Variants in PDGFRL observed in about 807,000 individuals in gnomAD.
PDGFRL encodes the protein platelet derived growth factor receptor like, also known as platelet-derived growth factor receptor-like protein.
A neutral mutation model predicts 37.2 loss-of-function variants in PDGFRL; 46 were observed. The observed-to-expected ratio is 1.24, with a 90% confidence interval of 0.98 to 1.58. The LOEUF is 1.58. Among genes scored for constraint, PDGFRL ranks in the 40% most tolerant of loss-of-function variants. The probability of loss-of-function intolerance (pLI) is 0.00; values close to 1 mark genes in which losing one functional copy is unlikely to be tolerated. For missense variants in PDGFRL, 692 were observed against 467.6 expected (o/e 1.48, Z -4.43); for synonymous variants, 251 against 184.3 (o/e 1.36, Z -2.93).
At chr8:17,622,839 G>A (rs1481216429) in intron 3 of PDGFRL, among the ~76,000 whole-genome samples, 2 of 152,128 alleles carry the variant, frequency 1.3e-5, no homozygotes, top group African/African-American at 4.8e-5. Flanking sequence ...ATTCCTGGCG[G>A]CTCCACCCCA....
At chr8:17,604,641 C>T (rs772256534) in intron 2 of PDGFRL, among the ~76,000 whole-genome samples, 13 of 152,004 alleles carry the variant, frequency 8.6e-5, no homozygotes, top group East Asian at 7.7e-4. Flanking sequence ...TGCTAAATGA[C>T]GAGTTAATGG....
intron 2 of PDGFRL, among the ~76,000 whole-genome samples, chr8:17,606,124 C>G (rs547778216): frequency 6.6e-6 from 1 of 152,314 alleles, no homozygotes; most frequent in East Asian, 1.9e-4. Flanking sequence ...GAGAAAGAAT[C>G]TGCACAGACT....
chr8:17,613,178 G>A (rs1393575284), intron 2 of PDGFRL, among the ~76,000 whole-genome samples: 1 of 152,176 alleles, frequency 6.6e-6, no homozygotes, highest in South Asian at 2.1e-4. Context: ...CCTCTGGGTG[G>A]AATTGTTGGG....
At chr8:17,616,479 C>T (rs1055366504) in intron 2 of PDGFRL, among the ~76,000 whole-genome samples, 5 of 152,296 alleles carry the variant, frequency 3.3e-5, no homozygotes, top group East Asian at 3.9e-4. Flanking sequence ...AGGCATGAAC[C>T]ACTTGCGCCT....
chr8:17,587,486 TTAAAG>T (rs1803841476), intron 1 of PDGFRL, among the ~76,000 whole-genome samples: 1 of 152,152 alleles, frequency 6.6e-6, no homozygotes, highest in African/African-American at 2.4e-5. Context: ...TTCACAGGCA[TTAAAG>T]TATTTATGGG....
chr8:17,608,966 C>A (rs1804345651), intron 2 of PDGFRL, among the ~76,000 whole-genome samples: 1 of 152,182 alleles, frequency 6.6e-6, no homozygotes, highest in Admixed American at 6.5e-5. Flanking sequence ...TGCCTGTAAT[C>A]CCAGCACTTT....
intron 2 of PDGFRL, among the ~76,000 whole-genome samples, chr8:17,608,179 C>T (rs972731688): frequency 3.3e-5 from 5 of 152,152 alleles, no homozygotes; most frequent in Admixed American, 3.3e-4. Context: ...CCTGATTTGC[C>T]CCTGGTCTCT....
chr8:17,623,440 G>T (rs184412018), intron 3 of PDGFRL, among the ~76,000 whole-genome samples: 1 of 152,214 alleles, frequency 6.6e-6, no homozygotes, highest in Non-Finnish European at 1.5e-5. Context: ...ATAAAAGTCT[G>T]TTATTCAAGT....
At chr8:17,610,937 T>C (rs557711369) in intron 2 of PDGFRL, among the ~76,000 whole-genome samples, 15 of 152,330 alleles carry the variant, frequency 9.8e-5, no homozygotes, top group Non-Finnish European at 8.8e-5. Flanking sequence ...ATTGATGATT[T>C]CGTTGTTATT....
intron 2 of PDGFRL, among the ~76,000 whole-genome samples, chr8:17,594,925 C>T (rs1585305614): frequency 1.3e-5 from 2 of 152,184 alleles, no homozygotes; most frequent in Non-Finnish European, 2.9e-5. Flanking sequence ...CTGCAGTGAA[C>T]ATGGATGTGC....
At chr8:17,580,950 T>C (rs955571460) in intron 1 of PDGFRL, among the ~76,000 whole-genome samples, 2 of 84,784 alleles carry the variant, frequency 2.4e-5, no homozygotes, top group Admixed American at 1.7e-4. Flanking sequence ...TTACATGGCA[T>C]TTTCATACGT....
intron 4 of PDGFRL, among the ~76,000 whole-genome samples, chr8:17,629,246 A>C (rs193220617): frequency 6.6e-6 from 1 of 152,180 alleles, no homozygotes; most frequent in East Asian, 1.9e-4. Flanking sequence ...TGCCGTTCTT[A>C]AAGGCTTCCC....
At chr8:17,578,906 G>T (rs996441288) in intron 1 of PDGFRL, among the ~76,000 whole-genome samples, 4 of 152,180 alleles carry the variant, frequency 2.6e-5, no homozygotes, top group Non-Finnish European at 5.9e-5. Context: ...GTTTATAAAA[G>T]TACACACATC....
At chr8:17,600,819 A>C (rs995814687) in intron 2 of PDGFRL, among the ~76,000 whole-genome samples, 4 of 139,312 alleles carry the variant, frequency 2.9e-5, no homozygotes, top group South Asian at 2.2e-4. Flanking sequence ...AAAAAACAAA[A>C]AAACCTCTAA....
intron 4 of PDGFRL, among the ~76,000 whole-genome samples, chr8:17,632,600 G>A (rs1286354381): frequency 1.3e-5 from 2 of 152,198 alleles, no homozygotes; most frequent in Non-Finnish European, 2.9e-5. Flanking sequence ...GCCTCCCAAA[G>A]TGCTGGGATT....
At chr8:17,623,917 C>T (rs567742251) in intron 3 of PDGFRL, among the ~76,000 whole-genome samples, 5 of 149,822 alleles carry the variant, frequency 3.3e-5, no homozygotes, top group African/African-American at 7.3e-5. Flanking sequence ...GGAGGCGGAA[C>T]CTTTTTGTTT....
intron 2 of PDGFRL, among the ~76,000 whole-genome samples, chr8:17,593,692 C>T (rs1186863750): frequency 6.6e-6 from 1 of 151,658 alleles, no homozygotes; most frequent in Non-Finnish European, 1.5e-5. Context: ...GTCAGGAGTT[C>T]GAGACCAGCC....
chr8:17,588,220 TAC>T (rs1382373602), intron 1 of PDGFRL, among the ~76,000 whole-genome samples: 5 of 152,338 alleles, frequency 3.3e-5, no homozygotes, highest in African/African-American at 1.2e-4. Context: ...AAATCGTTGC[TAC>T]AGTTACAGTT....
intron 2 of PDGFRL, among the ~76,000 whole-genome samples, chr8:17,610,903 C>T (rs184404333): frequency 5.3e-5 from 8 of 151,140 alleles, no homozygotes; most frequent in Admixed American, 4.0e-4. Flanking sequence ...AGTGAGATTC[C>T]GTCTCAAAAA....
Sources: allele counts gnomAD v4.1 joint callset (sites outside exome capture counted in the v4.1 genomes callset), GRCh38; gene constraint gnomAD v4.1.1; transcripts MANE v1.5; gene names NCBI Gene and HGNC (gene_info 2026-07-23, HGNC 2026-07-21).